The following PTK2 variants were observed in gnomAD, a reference collection of about 807,000 sequenced individuals.
The protein encoded by PTK2 is protein tyrosine kinase 2.
PTK2 carries 45 observed loss-of-function variants against 150.1 expected under a neutral mutation model. The observed-to-expected ratio is 0.30, with a 90% CI of 0.24 to 0.38. The LOEUF (loss-of-function observed/expected upper bound fraction) is 0.38. Ranked by LOEUF, PTK2 falls within the 10% of genes least tolerant of loss-of-function variation. The pLI is 1.00. For synonymous variants in PTK2, 432 were observed against 449.2 expected, an observed-to-expected ratio of 0.96 and a Z score of 0.48; for missense variants, 919 against 1,307.3, an observed-to-expected ratio of 0.70 and a Z score of 4.58.
chr8:140,910,664 T>C (rs563401379), intron 2 of PTK2, among the ~76,000 whole-genome samples: 122 of 152,240 alleles, frequency 8.0e-4, no homozygotes, highest in African/African-American at 2.7e-3. Context: ...TAATTTCCCA[T>C]TTTCCTACTC....
At chr8:140,810,301 T>C (rs1371351441) in intron 10 of PTK2, among the ~76,000 whole-genome samples, 1 of 152,208 alleles carries the variant, frequency 6.6e-6, no homozygotes, top group African/African-American at 2.4e-5. Context: ...CCTGACTTGC[T>C]CCCATAAGAG....
At chr8:140,897,918 A>C (rs1312287055) in intron 2 of PTK2, among the ~76,000 whole-genome samples, 5 of 152,212 alleles carry the variant, frequency 3.3e-5, no homozygotes, top group African/African-American at 1.2e-4. Flanking sequence ...CATTTTTAAA[A>C]ACTTTTCAAG....
intron 4 of PTK2, among the ~76,000 whole-genome samples, chr8:140,874,897 T>C (rs1452784669): frequency 6.6e-6 from 1 of 152,226 alleles, no homozygotes; most frequent in African/African-American, 2.4e-5. Flanking sequence ...TCAGTTTTCA[T>C]TCAAATATTG....
At chr8:140,835,096 C>A (rs1164169818) in intron 7 of PTK2, among the ~76,000 whole-genome samples, 1 of 152,222 alleles carries the variant, frequency 6.6e-6, no homozygotes, top group African/African-American at 2.4e-5. Context: ...ATTCCCCACT[C>A]ACTGAGATGA....
intron 14 of PTK2, among the ~76,000 whole-genome samples, chr8:140,785,733 G>A (rs921045586): frequency 3.9e-5 from 6 of 152,142 alleles, no homozygotes; most frequent in African/African-American, 1.4e-4. Flanking sequence ...CCTGAGTTCC[G>A]ATCCTAGTGC....
chr8:140,696,018 T>C (rs13281634), intron 26 of PTK2, among the ~76,000 whole-genome samples: 60,371 of 152,112 alleles, frequency 0.4, 13,303 homozygotes, highest in Non-Finnish European at 0.5. Flanking sequence ...GTGACACCAA[T>C]GCTATGATTC....
At chr8:140,745,928 A>G (rs989357283) in intron 18 of PTK2, among the ~76,000 whole-genome samples, 5 of 150,688 alleles carry the variant, frequency 3.3e-5, no homozygotes, top group African/African-American at 1.2e-4. Flanking sequence ...TGAACCTGGG[A>G]GGCGGAGGTT....
chr8:140,696,625 T>C (rs1295250386), intron 26 of PTK2, among the ~76,000 whole-genome samples: 3 of 151,850 alleles, frequency 2.0e-5, no homozygotes, highest in Non-Finnish European at 4.4e-5. Flanking sequence ...AAAAATAATC[T>C]TTAAAGACAA....
chr8:140,875,877 G>A (rs1034560611), intron 4 of PTK2, among the ~76,000 whole-genome samples: 1 of 152,160 alleles, frequency 6.6e-6, no homozygotes, highest in African/African-American at 2.4e-5. Flanking sequence ...AAACAGTTCA[G>A]AAAGGCTATG....
At position 140,837,345 on chromosome 8, in the gene PTK2, T is replaced by C. The variant is rs76085690; in HGVS notation, c.594-6819A>G. 6.1e-4 allele frequency among the ~76,000 whole-genome samples: 93 copies of C among 152,306 alleles called. No individual in the cohort carries two copies. The East Asian group carries it at 0.017, about 27-fold the overall frequency. On this transcript the variant is annotated intron_variant, in intron 7 of 31. Coordinates refer to ENST00000522684, the Ensembl canonical transcript of PTK2. ...AGACTGATGAACTCTCTAGTTGGTT[T>C]AAAGAAAAAACCCTTAAGCTTCTAG...
intron 26 of PTK2, among the ~76,000 whole-genome samples, chr8:140,689,414 G>C (rs1252048523): frequency 6.6e-6 from 1 of 152,204 alleles, no homozygotes; most frequent in Non-Finnish European, 1.5e-5. Flanking sequence ...CCCAGGAACT[G>C]TTCAAGCTTA....
intron 27 of PTK2, chr8:140,675,737 G>A: frequency 2.1e-6 from 1 of 472,746 alleles, no homozygotes; most frequent in East Asian, 3.5e-5. Flanking sequence ...GGGACACTCT[G>A]GAACCACAAA....
chr8:140,689,800 GA>G (rs2100022052), intron 26 of PTK2, among the ~76,000 whole-genome samples: 1 of 152,206 alleles, frequency 6.6e-6, no homozygotes, highest in Non-Finnish European at 1.5e-5. Context: ...AAAAAACTCT[GA>G]AACTATCCTT....
intron 31 of PTK2, 67 bp downstream of exon 35, chr8:140,664,850 G>T: frequency 6.7e-7 from 1 of 1,494,558 alleles, no homozygotes; most frequent in Non-Finnish European, 9.3e-7. Context: ...CAGCACCACA[G>T]GCATCCCTGA....
rs1589026669 is a variant in PTK2, at chr8:140,667,435, T to C, written c.2865+834A>G. 2.0e-5 allele frequency among the ~76,000 whole-genome samples: 3 copies of C among 150,406 alleles called. 1 individual carries two copies. The highest frequency in any genetic ancestry group is 7.3e-5 in the African/African-American group (3 of 40,980). On this transcript the variant is annotated intron_variant, in intron 30 of 31. Coordinates refer to ENST00000522684, the Ensembl canonical transcript of PTK2. ...AGCCATTGCTGACTTTCCTTGGACC[T>C]AGTGTCCTCTTTCTTTCTCTCTCTC... is the stretch of plus-strand genomic sequence containing the variant.
intron 1 of PTK2, among the ~76,000 whole-genome samples, chr8:140,947,313 C>T (rs1414627349): frequency 6.6e-6 from 1 of 152,188 alleles, no homozygotes; most frequent in African/African-American, 2.4e-5. Context: ...ACTATCCCCA[C>T]ATCATCATGC....
At chr8:140,681,942 T>G (rs1455732309) in intron 27 of PTK2, among the ~76,000 whole-genome samples, 1 of 152,148 alleles carries the variant, frequency 6.6e-6, no homozygotes, top group African/African-American at 2.4e-5. Context: ...TATAAATAAC[T>G]CTCACAAGCT....
intron 1 of PTK2, among the ~76,000 whole-genome samples, chr8:140,966,409 A>T (rs1338868159): frequency 6.6e-6 from 1 of 152,200 alleles, no homozygotes; most frequent in East Asian, 1.9e-4. Flanking sequence ...TTCTATCAAG[A>T]CTAGGCTTAC....
At chr8:140,862,326 C>T (rs779246587) in intron 5 of PTK2, among the ~76,000 whole-genome samples, 12 of 152,048 alleles carry the variant, frequency 7.9e-5, no homozygotes, top group Non-Finnish European at 1.2e-4. Flanking sequence ...TTTAAACTCT[C>T]TTGTTATCTC....
Sources: gnomAD v4.1 joint callset for allele counts (sites outside exome capture counted in the v4.1 genomes callset) on GRCh38, gnomAD v4.1.1 for gene constraint, MANE v1.5 for transcripts, NCBI Gene and HGNC (gene_info 2026-07-23, HGNC 2026-07-21) for gene names.